The following MYH7B variants were observed in gnomAD, a reference collection of about 807,000 sequenced individuals.
The protein encoded by MYH7B is myosin-7B.
A neutral mutation model predicts 234.5 loss-of-function variants in MYH7B; 205 were observed. The ratio of observed to expected loss-of-function variants is 0.87; its 90% CI spans 0.78 to 0.98. MYH7B has a LOEUF of 0.98. Ranked by LOEUF, MYH7B falls within the 50% of genes least tolerant of loss-of-function variation. MYH7B has a pLI of 0.00. For missense variants in MYH7B, 2,652 were observed against 2,633.4 expected (o/e 1.01, Z -0.15); for synonymous variants, 1,193 against 1,105.0 (o/e 1.08, Z -1.58).
chr20:34,990,756 A>T, exon 23 of MYH7B: 1 of 1,614,114 alleles, frequency 6.2e-7, no homozygotes, highest in Non-Finnish European at 8.5e-7. Context: ...CAACAAGCTG[A>T]TGACCAACCT....
chr20:35,000,725 AGGCCT>A, intron 39 of MYH7B, 36 bp downstream of exon 39: 1 of 1,605,696 alleles, frequency 6.2e-7, no homozygotes, highest in Non-Finnish European at 8.5e-7. Flanking sequence ...GAGCAGGTGC[AGGCCT>A]GCTGGCTGGC....
rs565795678 is a variant in MYH7B, at chr20:34,969,514, G to A, written c.-221-5886G>A. On this transcript the variant is annotated intron_variant, in intron 2 of 44. Transcript: ENST00000262873. ...CTCCCCCGATTTTTACGCAGGAGAT[G>A]GCATAGCCCATACATTCTTCTGCTC... Among the ~76,000 whole-genome samples, 7 of 151,150 alleles carry A rather than the reference G, an allele frequency of 4.6e-5. No homozygotes were observed. The East Asian group carries it at 1.2e-3, about 25-fold the overall frequency.
Position 34,987,293 on chromosome 20 carries a change from G to C in MYH7B, c.1147+6G>C. On this transcript the variant is annotated splice_donor_region_variant and intron_variant, in intron 16 of 44. Transcript: ENST00000262873. ...GGAGGCCGATGGCACTGAGAGTGAG[G>C]GGCCCTAACCTGGCCTTCAACTTGA... The C allele has an allele frequency of 6.2e-7, 1 of 1,609,908 alleles. No individual in the cohort carries two copies.
exon 45 of MYH7B, chr20:35,002,292 C>A: frequency 7.4e-7 from 1 of 1,345,694 alleles, no homozygotes; most frequent in Non-Finnish European, 1.0e-6. Flanking sequence ...CTGCTGCCTT[C>A]AGCCTTCCCT....
chr20:34,998,962 T>A (rs80321795), intron 35 of MYH7B, 47 bp downstream of exon 35: 21 of 1,591,864 alleles, frequency 1.3e-5, no homozygotes, highest in Non-Finnish European at 1.5e-5. Flanking sequence ...GCTTTATGCC[T>A]GTGCCTGAGC....
chr20:34,977,142 CCTT>C (rs1029383206), intron 3 of MYH7B, among the ~76,000 whole-genome samples: 1 of 142,352 alleles, frequency 7.0e-6, no homozygotes, highest in African/African-American at 2.6e-5. Flanking sequence ...CTGTTCTTCT[CCTT>C]CTCTCTCCTT....
At chr20:35,002,107 G>A in intron 44 of MYH7B, 22 bp downstream of exon 44, 2 of 1,612,170 alleles carry the variant, frequency 1.2e-6, no homozygotes, top group Non-Finnish European at 1.7e-6. Flanking sequence ...CAGGGGCATT[G>A]CTCTCTGTGC....
intron 14 of MYH7B, 69 bp from the exon 15 acceptor site, chr20:34,986,817 T>A: frequency 2.2e-6 from 3 of 1,338,290 alleles, no homozygotes; most frequent in Non-Finnish European, 3.2e-6. Context: ...CCCCCTATGC[T>A]GCAATTGTTG....
At chr20:34,970,752 G>C (rs181110709) in intron 2 of MYH7B, among the ~76,000 whole-genome samples, 35 of 152,356 alleles carry the variant, frequency 2.3e-4, no homozygotes, top group Admixed American at 7.2e-4. Flanking sequence ...GCCCAGCTCA[G>C]CTCAGCTCGG....
exon 30 of MYH7B, chr20:34,996,687 C>T (rs778055948): frequency 1.2e-6 from 2 of 1,613,632 alleles, no homozygotes; most frequent in Non-Finnish European, 1.7e-6. Context: ...TGGAGGGTGA[C>T]CTGAAGCTGA....
At chr20:34,982,514 G>A (rs1293619329) in exon 10 of MYH7B, 1 of 1,612,310 alleles carries the variant, frequency 6.2e-7, no homozygotes, top group Non-Finnish European at 8.5e-7. Flanking sequence ...TCAGTACTTT[G>A]CCATCGTCGC....
chr20:34,977,246 A>G (rs2081869060), intron 3 of MYH7B, among the ~76,000 whole-genome samples: 1 of 152,094 alleles, frequency 6.6e-6, no homozygotes, highest in South Asian at 2.1e-4. Context: ...GGATGTATCA[A>G]GAGGGTTGGA....
At chr20:34,979,783 C>A in exon 7 of MYH7B, 1 of 1,613,978 alleles carries the variant, frequency 6.2e-7, no homozygotes, top group Non-Finnish European at 8.5e-7. Flanking sequence ...TGCGCCAGCG[C>A]TATGCCCGCT....
At chr20:34,980,206 ACTGGGGC>A (rs1173252260) in intron 7 of MYH7B, 4 of 325,842 alleles carry the variant, frequency 1.2e-5, no homozygotes, top group East Asian at 6.2e-5. Context: ...TCTTCTGAAG[ACTGGGGC>A]CTGGGGCCTG....
intron 24 of MYH7B, among the ~76,000 whole-genome samples, chr20:34,992,778 C>A (rs1344189206): frequency 1.3e-5 from 2 of 152,112 alleles, no homozygotes; most frequent in Non-Finnish European, 2.9e-5. Context: ...CCATGTTGCC[C>A]ACGCTGGTCT....
At chr20:34,988,301 T>G (rs2082071487) in intron 19 of MYH7B, 39 bp downstream of exon 19, 1 of 1,586,746 alleles carries the variant, frequency 6.3e-7, no homozygotes, top group Non-Finnish European at 8.6e-7. Flanking sequence ...GAAGGGAGGG[T>G]GTGTGTGGTG....
At chr20:34,991,808 G>T (rs895910059) in intron 24 of MYH7B, among the ~76,000 whole-genome samples, 3 of 152,226 alleles carry the variant, frequency 2.0e-5, no homozygotes, top group Non-Finnish European at 4.4e-5. Flanking sequence ...GGTTCACACA[G>T]ATACCATACA....
At position 34,996,412 on chromosome 20, in the gene MYH7B, A is replaced by G. The variant is rs763329759; in HGVS notation, c.3010A>G (p.Lys1004Glu). The G allele has an allele frequency of 8.7e-5, 141 of 1,613,220 alleles. No individual in the cohort carries two copies. Among genetic ancestry groups the G allele is most frequent in the African/African-American group, 3.1e-4 (23 of 75,026 alleles). Residue 1004 changes from lysine to glutamate, a missense_variant, in exon 29 of 45, where the codon AAG (lysine) becomes GAG (glutamate). By Grantham distance (56) the Lys-to-Glu change is moderately conservative. This residue lies in a region of MYH7B where 2,279 missense variants were observed against 2,211.4 expected (regional missense o/e 1.03). Transcript: ENST00000262873. ...AGTGGCCCGGCTGACCAAGGAGAAG[A>G]AGGCGTTGCAGGAGGCCCACCAACA...
chr20:34,996,496 C>T (rs760229165), exon 29 of MYH7B: 33 of 1,611,464 alleles, frequency 2.0e-5, no homozygotes, highest in Non-Finnish European at 2.8e-5. Context: ...CAAGGCCAAG[C>T]TCCGGCTGGA....
Sources: gnomAD v4.1 joint callset for allele counts (sites outside exome capture counted in the v4.1 genomes callset) on GRCh38, gnomAD v4.1.1 for gene constraint, gnomAD v4.1.1 regional missense constraint, MANE v1.5 for transcripts, NCBI Gene and HGNC (gene_info 2026-07-23, HGNC 2026-07-21) for gene names.